The following CDIN1 variants were observed in gnomAD, a reference collection of about 807,000 sequenced individuals.
CDIN1 encodes the protein CDAN1 interacting nuclease 1, also known as CDAN1-interacting nuclease 1.
Under a neutral mutation model 45.3 loss-of-function variants are expected in CDIN1, and 33 were observed. The observed-to-expected ratio is 0.73, with a 90% CI of 0.55 to 0.97. The LOEUF is 0.97. CDIN1 is among the 50% of genes least tolerant of loss of function. The pLI is 0.00. For synonymous variants in CDIN1, 118 were observed against 124.4 expected (o/e 0.95, Z 0.34); for missense variants, 303 against 339.4 (o/e 0.89, Z 0.84).
At chr15:36,730,358 T>C (rs2140908852) in intron 10 of CDIN1, among the ~76,000 whole-genome samples, 1 of 152,304 alleles carries the variant, frequency 6.6e-6, no homozygotes, top group Non-Finnish European at 1.5e-5. Flanking sequence ...TGGTAATAAG[T>C]GGTTTATTCT....
chr15:36,728,840 A>AT (rs2043737790), intron 10 of CDIN1, among the ~76,000 whole-genome samples: 1 of 151,760 alleles, frequency 6.6e-6, no homozygotes, highest in Non-Finnish European at 1.5e-5. Context: ...CGTTCAGCTA[A>AT]TTTTTTCTAT....
intron 10 of CDIN1, among the ~76,000 whole-genome samples, chr15:36,740,527 G>A (rs2044197572): frequency 6.6e-6 from 1 of 152,148 alleles, no homozygotes; most frequent in Admixed American, 6.5e-5. Flanking sequence ...CTCATCTCAT[G>A]TGGCTATGGA....
chr15:36,603,333 A>G (rs1361390014), intron 1 of CDIN1, among the ~76,000 whole-genome samples: 1 of 152,214 alleles, frequency 6.6e-6, no homozygotes, highest in Non-Finnish European at 1.5e-5. Flanking sequence ...GGAAGAAGAA[A>G]AGTAAAGGGT....
chr15:36,657,997 C>A, intron 5 of CDIN1, 92 bp downstream of exon 5: 2 of 1,087,982 alleles, frequency 1.8e-6, no homozygotes, highest in Non-Finnish European at 1.3e-6. Context: ...TTAATGAGAG[C>A]CAGATTCCAA....
intron 10 of CDIN1, among the ~76,000 whole-genome samples, chr15:36,800,899 G>A (rs1360348089): frequency 0.026 from 649 of 24,992 alleles, 3 homozygotes; most frequent in South Asian, 0.054. Flanking sequence ...GTGTGTGTGT[G>A]TGTGTGTGTG....
intron 10 of CDIN1, among the ~76,000 whole-genome samples, chr15:36,746,027 A>G (rs1177255201): frequency 6.6e-6 from 1 of 152,184 alleles, no homozygotes; most frequent in East Asian, 1.9e-4. Context: ...AAATATATAC[A>G]AAAAACAGTT....
chr15:36,743,869 A>G (rs1018898833), intron 10 of CDIN1, among the ~76,000 whole-genome samples: 1 of 152,212 alleles, frequency 6.6e-6, no homozygotes, highest in African/African-American at 2.4e-5. Flanking sequence ...AGCCTGGGCA[A>G]CAGAGGGAGA....
At chr15:36,675,961 T>C (rs1183351559) in intron 5 of CDIN1, among the ~76,000 whole-genome samples, 1 of 152,116 alleles carries the variant, frequency 6.6e-6, no homozygotes, top group Non-Finnish European at 1.5e-5. Context: ...TTTTTTTTGG[T>C]ACCTAATAAA....
At chr15:36,691,181 G>T (rs1160580962) in intron 5 of CDIN1, 1 of 518,610 alleles carries the variant, frequency 1.9e-6, no homozygotes, top group East Asian at 5.5e-5. Context: ...TTTTGGAAAG[G>T]TTTAGAATTA....
chr15:36,678,716 T>C (rs1334838985), intron 5 of CDIN1, among the ~76,000 whole-genome samples: 1 of 152,216 alleles, frequency 6.6e-6, no homozygotes, highest in South Asian at 2.1e-4. Context: ...TTAAACCTAT[T>C]TGAGATCTTA....
chr15:36,762,617 A>G (rs934859727), intron 10 of CDIN1, among the ~76,000 whole-genome samples: 3 of 152,032 alleles, frequency 2.0e-5, no homozygotes, highest in Admixed American at 6.6e-5. Context: ...TACATTAGGT[A>G]TATCTCCTAA....
At chr15:36,613,374 AG>A in intron 1 of CDIN1, 1 of 855,816 alleles carries the variant, frequency 1.2e-6, no homozygotes. Flanking sequence ...AGATAAAAAA[AG>A]GATTCCTTGT....
intron 10 of CDIN1, among the ~76,000 whole-genome samples, chr15:36,745,921 AC>A (rs2044408075): frequency 6.6e-6 from 1 of 152,134 alleles, no homozygotes; most frequent in African/African-American, 2.4e-5. Context: ...AGCCGAGATC[AC>A]GCCATTGCAC....
chr15:36,755,300 G>A (rs1205851930), intron 10 of CDIN1, among the ~76,000 whole-genome samples: 3 of 152,036 alleles, frequency 2.0e-5, no homozygotes, highest in Non-Finnish European at 2.9e-5. Context: ...ACCATCACCC[G>A]GGCACCCAAA....
At chr15:36,784,896 TC>T (rs2054450794) in intron 10 of CDIN1, among the ~76,000 whole-genome samples, 1 of 152,168 alleles carries the variant, frequency 6.6e-6, no homozygotes, top group Non-Finnish European at 1.5e-5. Context: ...TCAAGACAGC[TC>T]CCCTGTTGAT....
At chr15:36,743,861 C>T (rs1440538860) in intron 10 of CDIN1, among the ~76,000 whole-genome samples, 1 of 151,898 alleles carries the variant, frequency 6.6e-6, no homozygotes, top group African/African-American at 2.4e-5. Context: ...TGCACTCCAG[C>T]CTGGGCAACA....
chr15:36,657,987 T>C (rs527937388), intron 5 of CDIN1, 82 bp downstream of exon 5: 2 of 1,201,528 alleles, frequency 1.7e-6, no homozygotes, highest in Admixed American at 4.2e-5. Context: ...TTCAAGTCAC[T>C]TAATGAGAGC....
intron 1 of CDIN1, among the ~76,000 whole-genome samples, chr15:36,631,413 G>A (rs898655619): frequency 1.3e-4 from 20 of 152,070 alleles, no homozygotes; most frequent in Admixed American, 5.2e-4. Context: ...AGTCACTCCC[G>A]ATCTTTCCCC....
intron 10 of CDIN1, among the ~76,000 whole-genome samples, chr15:36,775,078 A>T (rs960900495): frequency 6.6e-6 from 1 of 152,246 alleles, no homozygotes; most frequent in African/African-American, 2.4e-5. Flanking sequence ...CTAATAGGTG[A>T]CACATGTCGC....
Sources: allele counts gnomAD v4.1 joint callset (sites outside exome capture counted in the v4.1 genomes callset), GRCh38; gene constraint gnomAD v4.1.1; transcripts MANE v1.5; gene names NCBI Gene and HGNC (gene_info 2026-07-23, HGNC 2026-07-21).